ZNF292: variants seen among roughly 807,000 people sequenced by gnomAD.
ZNF292 encodes the protein 16 zinc-finger domain protein.
In ZNF292, 26 loss-of-function variants were observed where a neutral mutation model predicts 217.9. That is an observed-to-expected ratio of 0.12 (90% CI 0.09 to 0.17). ZNF292 has a LOEUF of 0.17. Ranked by LOEUF, ZNF292 falls within the 10% of genes least tolerant of loss-of-function variation. The pLI, the probability that ZNF292 is intolerant of heterozygous loss-of-function variation, is 1.00. For missense variants in ZNF292, 2,904 were observed against 3,175.2 expected (o/e 0.91, Z 2.05); for synonymous variants, 1,257 against 1,124.1 (o/e 1.12, Z -2.37).
intron 1 of ZNF292, among the ~76,000 whole-genome samples, chr6:87,163,863 G>T (rs935229410): frequency 6.6e-6 from 1 of 152,134 alleles, no homozygotes; most frequent in African/African-American, 2.4e-5. Context: ...CAAGTGATAG[G>T]ATTGAAAGGA....
chr6:87,162,007 A>G (rs1157574430), intron 1 of ZNF292, among the ~76,000 whole-genome samples: 1 of 152,182 alleles, frequency 6.6e-6, no homozygotes, highest in Non-Finnish European at 1.5e-5. Flanking sequence ...GGCTTTCCCT[A>G]TTATAGTATA....
chr6:87,166,009 TG>T (rs1770900703), intron 1 of ZNF292, among the ~76,000 whole-genome samples: 1 of 152,152 alleles, frequency 6.6e-6, no homozygotes, highest in African/African-American at 2.4e-5. Context: ...CTGCCTGCCT[TG>T]GCCTCCCAAA....
intron 1 of ZNF292, among the ~76,000 whole-genome samples, chr6:87,183,389 T>C (rs1771528572): frequency 6.6e-6 from 1 of 152,120 alleles, no homozygotes; most frequent in Non-Finnish European, 1.5e-5. Context: ...AATTCAAGCA[T>C]ATTGTATCTA....
At chr6:87,178,607 G>A (rs944834554) in intron 1 of ZNF292, among the ~76,000 whole-genome samples, 1 of 152,130 alleles carries the variant, frequency 6.6e-6, no homozygotes, top group African/African-American at 2.4e-5. Flanking sequence ...ATAAGAGAGA[G>A]GGAAATTATT....
At chr6:87,212,698 A>C (rs991913524) in intron 1 of ZNF292, among the ~76,000 whole-genome samples, 8 of 152,176 alleles carry the variant, frequency 5.3e-5, no homozygotes, top group African/African-American at 1.9e-4. Context: ...TTGAATTCCA[A>C]ATTTTCTTGT....
chr6:87,184,503 C>T (rs747718192), intron 1 of ZNF292, among the ~76,000 whole-genome samples: 20 of 124,826 alleles, frequency 1.6e-4, no homozygotes, highest in African/African-American at 6.0e-4. Context: ...GGGGACAGTT[C>T]CGTAGATGTC....
chr6:87,241,755 G>A (rs912962957), intron 5 of ZNF292, among the ~76,000 whole-genome samples: 33 of 152,158 alleles, frequency 2.2e-4, no homozygotes, highest in Non-Finnish European at 4.4e-4. Flanking sequence ...AGACATGATT[G>A]GATTTGTGGC....
rs199842131 is a variant in ZNF292 at position 87,260,437 on chromosome 6, C to T, written c.6808C>T (p.Arg2270Trp). The stretch of plus-strand genomic sequence containing the variant: ...AGGCTGTGACCGTATATATGCAACC[C>T]GGTCGAATCTCCTCCGACACATTTT... ...CEGCDRIYAT[R>W]SNLLRHIFNK... is the part of the protein sequence containing the mutation. The change falls in exon 8 of 8, where the codon CGG becomes TGG. Residue 2270 changes from arginine (R) to tryptophan (W), a missense_variant. This residue lies in a region of ZNF292 where 55 missense variants were observed against 99.8 expected (regional missense o/e 0.55). Transcript: ENST00000369577. 10 of 1,613,454 alleles carry T rather than the reference C, an allele frequency of 6.2e-6. No individual in the cohort carries two copies. In the African/African-American group the frequency reaches 8.0e-5, roughly 13 times the overall value.
intron 1 of ZNF292, among the ~76,000 whole-genome samples, chr6:87,188,335 C>A (rs554536133): frequency 6.6e-6 from 1 of 152,238 alleles, no homozygotes; most frequent in South Asian, 2.1e-4. Context: ...TGTTTTGATA[C>A]CTTGAGCAAA....
At position 87,265,013 on chromosome 6, in the gene ZNF292, T is replaced by A. The variant is rs1457575997; in HGVS notation, c.*3212T>A. Among the ~76,000 whole-genome samples the A allele has an allele frequency of 2.0e-5, 3 of 152,152 alleles. No individual in the cohort carries two copies. Among genetic ancestry groups the A allele is most frequent in the African/African-American group, 7.2e-5 (3 of 41,438 alleles). On this transcript the variant is annotated 3_prime_UTR_variant, in exon 8 of 8. Coordinates refer to ENST00000369577, the MANE Select transcript of ZNF292 (RefSeq NM_015021.3). ...GTCTAAGGCAGCCTGTTTCAGCATG[T>A]TTATTGTAGTGAGATACTAGGCAGG... is the stretch of plus-strand genomic sequence containing the variant.
intron 1 of ZNF292, among the ~76,000 whole-genome samples, chr6:87,156,911 A>G (rs1770562633): frequency 6.6e-6 from 1 of 152,200 alleles, no homozygotes; most frequent in African/African-American, 2.4e-5. Context: ...CTTGAGGAGG[A>G]AAAAGAAGAC....
intron 1 of ZNF292, among the ~76,000 whole-genome samples, chr6:87,213,231 A>G (rs558863950): frequency 9.9e-5 from 15 of 152,218 alleles, no homozygotes; most frequent in Admixed American, 2.6e-4. Flanking sequence ...TTCCTGCCCT[A>G]TGAGTTCAGT....
At chr6:87,166,160 A>C (rs1770905801) in intron 1 of ZNF292, among the ~76,000 whole-genome samples, 1 of 152,196 alleles carries the variant, frequency 6.6e-6, no homozygotes, top group South Asian at 2.1e-4. Flanking sequence ...GCATTTAAGC[A>C]TGAACCCATT....
At chr6:87,195,337 T>C (rs1245580026) in intron 1 of ZNF292, among the ~76,000 whole-genome samples, 1 of 152,294 alleles carries the variant, frequency 6.6e-6, no homozygotes, top group East Asian at 1.9e-4. Context: ...CTGGTACAAA[T>C]TGGGAAATTA....
chr6:87,203,465 C>T (rs189358009), intron 1 of ZNF292, among the ~76,000 whole-genome samples: 177 of 152,092 alleles, frequency 1.2e-3, no homozygotes, highest in Admixed American at 2.9e-3. Flanking sequence ...TTAAATTATC[C>T]TCACGTTTCT....
chr6:87,259,263 A>G lies in ZNF292; in HGVS notation c.5634A>G (p.Ala1878=), dbSNP rs1254419462. 11 of 1,613,602 alleles carry G rather than the reference A, an allele frequency of 6.8e-6. No homozygotes were observed. The highest frequency in any genetic ancestry group is 9.3e-6 in the Non-Finnish European group (11 of 1,179,704). The part of the protein sequence containing the change: ...TLTPTPVKST[A]DITVIQPVSE... ...CTCCCACGCCTGTTAAATCAACTGC[A>G]GATATCACAGTTATTCAGCCAGTTT... is the stretch of plus-strand genomic sequence containing the variant. The change falls in exon 8 of 8, where the codon GCA becomes GCG. Residue 1878 remains alanine (A), a synonymous_variant. Transcript: ENST00000369577.
chr6:87,159,956 T>C (rs1352811733), intron 1 of ZNF292, among the ~76,000 whole-genome samples: 1 of 152,256 alleles, frequency 6.6e-6, no homozygotes, highest in Non-Finnish European at 1.5e-5. Flanking sequence ...TGCATTTACT[T>C]GTTTTAGGAT....
chr6:87,155,828 G>A, intron 1 of ZNF292, 69 bp downstream of exon 1: 1 of 1,465,276 alleles, frequency 6.8e-7, no homozygotes, highest in Admixed American at 2.5e-5. Context: ...CGAGCGCTAG[G>A]CGGCCGAGAG....
chr6:87,161,593 T>G (rs1170575519), intron 1 of ZNF292, among the ~76,000 whole-genome samples: 1 of 152,110 alleles, frequency 6.6e-6, no homozygotes, highest in African/African-American at 2.4e-5. Flanking sequence ...CTTTAAAATT[T>G]TTTGTGGAGA....
Sources: gnomAD v4.1 joint callset for allele counts (sites outside exome capture counted in the v4.1 genomes callset) on GRCh38, gnomAD v4.1.1 for gene constraint, gnomAD v4.1.1 regional missense constraint, MANE v1.5 for transcripts, NCBI Gene and HGNC (gene_info 2026-07-23, HGNC 2026-07-21) for gene names.